The following RNF220 variants were observed in gnomAD, a reference collection of about 807,000 sequenced individuals.
RNF220 encodes E3 ubiquitin-protein ligase RNF220.
Under a neutral mutation model 67.1 loss-of-function variants are expected in RNF220, and 7 were observed. That is an observed-to-expected ratio of 0.10 (90% confidence interval 0.06 to 0.20). The LOEUF is 0.20. Ranked by LOEUF, RNF220 falls within the 10% of genes least tolerant of loss-of-function variation. The pLI is 1.00. For synonymous variants in RNF220, 270 were observed against 283.2 expected, an observed-to-expected ratio of 0.95 and a Z score of 0.47; for missense variants, 565 against 740.3, an observed-to-expected ratio of 0.76 and a Z score of 2.75.
intron 3 of RNF220, among the ~76,000 whole-genome samples, chr1:44,614,745 G>A (rs911049232): frequency 1.2e-4 from 18 of 152,260 alleles, no homozygotes; most frequent in Admixed American, 1.2e-3. Flanking sequence ...AATGTGCTCA[G>A]GTGTGTCCCC....
At chr1:44,520,854 A>T (rs1659879641) in intron 2 of RNF220, among the ~76,000 whole-genome samples, 1 of 152,182 alleles carries the variant, frequency 6.6e-6, no homozygotes, top group Admixed American at 6.5e-5. Flanking sequence ...ATTGGAATTT[A>T]TAGGAATGCT....
At chr1:44,599,967 G>A (rs1430501301) in intron 2 of RNF220, among the ~76,000 whole-genome samples, 1 of 152,136 alleles carries the variant, frequency 6.6e-6, no homozygotes, top group African/African-American at 2.4e-5. Context: ...TACATGAGGA[G>A]ACCTAAGAGT....
intron 1 of RNF220, among the ~76,000 whole-genome samples, chr1:44,409,078 C>T (rs976984358): frequency 1.3e-5 from 2 of 152,252 alleles, no homozygotes; most frequent in African/African-American, 2.4e-5. Flanking sequence ...CGGACGTCTT[C>T]GTTTCATTTG....
At chr1:44,509,561 A>AG (rs1357595049) in intron 2 of RNF220, among the ~76,000 whole-genome samples, 1 of 150,936 alleles carries the variant, frequency 6.6e-6, no homozygotes, top group African/African-American at 2.4e-5. Context: ...AAAAAAAAAA[A>AG]AAAGAAATAA....
chr1:44,632,060 G>A (rs1334477635), intron 5 of RNF220: 2 of 1,117,516 alleles, frequency 1.8e-6, no homozygotes, highest in Non-Finnish European at 2.2e-6. Flanking sequence ...GCCCTCGCCG[G>A]CCGGGCGGCC....
intron 2 of RNF220, among the ~76,000 whole-genome samples, chr1:44,534,509 C>T (rs996456462): frequency 5.3e-5 from 8 of 152,134 alleles, no homozygotes; most frequent in Non-Finnish European, 7.4e-5. Flanking sequence ...ATTCAAATTA[C>T]GATTGCATCT....
chr1:44,637,124 G>C (rs1290753692), intron 8 of RNF220, among the ~76,000 whole-genome samples: 1 of 152,246 alleles, frequency 6.6e-6, no homozygotes, highest in African/African-American at 2.4e-5. Context: ...GAATCTCACA[G>C]CAGCTGGGAA....
chr1:44,596,631 A>C (rs570904635), intron 2 of RNF220, among the ~76,000 whole-genome samples: 2 of 152,042 alleles, frequency 1.3e-5, no homozygotes, highest in Non-Finnish European at 2.9e-5. Flanking sequence ...TCCCTCAGTC[A>C]CAAAAAAAAT....
intron 2 of RNF220, among the ~76,000 whole-genome samples, chr1:44,431,490 G>A (rs1323903805): frequency 1.6e-5 from 2 of 127,646 alleles, no homozygotes; most frequent in Non-Finnish European, 3.1e-5. Context: ...AGACTTCATC[G>A]ACTTCATCTC....
intron 2 of RNF220, among the ~76,000 whole-genome samples, chr1:44,580,048 A>AG (rs1665137477): frequency 7.0e-6 from 1 of 142,866 alleles, no homozygotes; most frequent in Non-Finnish European, 1.5e-5. Context: ...AAAAAAAAAA[A>AG]AAAAAAAAAG....
At chr1:44,641,969 C>G (rs904242726) in intron 8 of RNF220, among the ~76,000 whole-genome samples, 7 of 152,252 alleles carry the variant, frequency 4.6e-5, no homozygotes, top group African/African-American at 7.2e-5. Context: ...AAGTTGTATC[C>G]TGAGAGATTT....
chr1:44,527,603 A>C (rs964121748), intron 2 of RNF220, among the ~76,000 whole-genome samples: 1 of 151,738 alleles, frequency 6.6e-6, no homozygotes, highest in African/African-American at 2.4e-5. Flanking sequence ...TTTTTTTTTT[A>C]AGTAATGCAT....
intron 2 of RNF220, among the ~76,000 whole-genome samples, chr1:44,475,102 AT>A (rs1655178503): frequency 6.6e-6 from 1 of 152,174 alleles, no homozygotes; most frequent in Admixed American, 6.5e-5. Context: ...CAGTCTAGGA[AT>A]TTGCACTCTA....
intron 8 of RNF220, chr1:44,636,374 G>A: frequency 1.3e-6 from 1 of 752,628 alleles, no homozygotes; most frequent in South Asian, 1.5e-5. Context: ...AAATGGAATT[G>A]TGAGGCTGCA....
intron 2 of RNF220, among the ~76,000 whole-genome samples, chr1:44,437,463 C>T (rs1013444603): frequency 6.6e-6 from 1 of 151,938 alleles, no homozygotes; most frequent in Non-Finnish European, 1.5e-5. Flanking sequence ...TTTTTCTTAT[C>T]TTCCCCCACC....
intron 2 of RNF220, among the ~76,000 whole-genome samples, chr1:44,520,954 G>A (rs1381286533): frequency 6.6e-6 from 1 of 152,228 alleles, no homozygotes; most frequent in Non-Finnish European, 1.5e-5. Context: ...GGAGTGCAGT[G>A]GCGCAATCAT....
chr1:44,574,647 C>T (rs898771231), intron 2 of RNF220, among the ~76,000 whole-genome samples: 1 of 152,208 alleles, frequency 6.6e-6, no homozygotes, highest in Non-Finnish European at 1.5e-5. Context: ...CAGCCTGCCC[C>T]TGCACTGCCA....
chr1:44,412,151 C>T lies in RNF220; in HGVS notation c.54C>T (p.Asn18=), dbSNP rs1383349641. The change falls in exon 2 of 15, where the codon AAC becomes AAT. Residue 18 remains asparagine (N), a synonymous_variant. Transcript: ENST00000361799. The surrounding 1 kb of genome is among the most constrained non-coding windows in gnomAD (Gnocchi z 5.3). ...FKMENSSYLP[N]PLASPALMVL... ...TGGAGAACTCATCCTACCTTCCCAA[C>T]CCTCTGGCATCCCCAGCACTGATGG... The T allele has an allele frequency of 1.9e-6, 3 of 1,614,206 alleles. No individual in the cohort carries two copies. Among genetic ancestry groups the T allele is most frequent in the Non-Finnish European group, 1.7e-6 (2 of 1,180,030 alleles).
At chr1:44,498,924 T>C (rs1257644193) in intron 2 of RNF220, among the ~76,000 whole-genome samples, 1 of 152,198 alleles carries the variant, frequency 6.6e-6, no homozygotes, top group Non-Finnish European at 1.5e-5. Flanking sequence ...ACTTGTCCTC[T>C]ATCCCACCTC....
Sources: allele counts gnomAD v4.1 joint callset (sites outside exome capture counted in the v4.1 genomes callset), GRCh38; gene constraint gnomAD v4.1.1; non-coding constraint Gnocchi (gnomAD v3.1); transcripts MANE v1.5; gene names NCBI Gene and HGNC (gene_info 2026-07-23, HGNC 2026-07-21).